The following STRADA variants were observed in gnomAD, a reference collection of about 807,000 sequenced individuals.
STRADA encodes STE20-related kinase adapter protein alpha.
STRADA carries 26 observed loss-of-function variants against 55.0 expected under a neutral mutation model. That is an observed-to-expected ratio of 0.47 (90% CI 0.35 to 0.66). The LOEUF (loss-of-function observed/expected upper bound fraction) is 0.66. STRADA is among the 30% of genes least tolerant of loss of function. STRADA has a pLI of 0.01. For synonymous variants in STRADA, 197 were observed against 210.9 expected (o/e 0.93, Z 0.57); for missense variants, 443 against 549.7 (o/e 0.81, Z 1.94).
chr17:63,741,862 C>A (rs3826341), upstream of STRADA: 105,851 of 152,382 alleles, frequency 0.69, 38,044 homozygotes, highest in African/African-American at 0.9. Context: ...CGCAGTGGGG[C>A]GACCGGGAGG....
At position 63,740,155 on chromosome 17, in the gene STRADA, C is replaced by T. The variant is rs369122911; in HGVS notation, c.-45+1586G>A. 2.5e-3 allele frequency among the ~76,000 whole-genome samples: 281 copies of T among 111,438 alleles called. 9 individuals carry two copies. Among genetic ancestry groups the T allele is most frequent in the African/African-American group, 0.01 (257 of 25,420 alleles). 73.1% of individuals were successfully genotyped at this position (111,438 alleles called of 152,430 possible). On this transcript the variant is annotated intron_variant, in intron 1 of 12. Coordinates refer to ENST00000336174, the MANE Select transcript of STRADA (RefSeq NM_001003787.4). ...ACATACATATATATATATACACACA[C>T]ACACACACACACACACACACACACA...
rs56271007 is a variant in STRADA at position 63,714,053 on chromosome 17, C to A, written c.179G>T (p.Ser60Ile). The change falls in exon 5 of 13, where the codon AGT becomes ATT. Residue 60 changes from serine (S) to isoleucine (I), a missense_variant. By Grantham distance (142) the Ser-to-Ile change is moderately radical. Coordinates refer to ENST00000336174, the MANE Select transcript of STRADA (RefSeq NM_001003787.4). Reference protein sequence around the residue: ...IASFSKQEVMSSFLPEGGCYE... With the variant: ...IASFSKQEVMISFLPEGGCYE... ...ACACCCTCCCTCTGGCAGAAAGCTA[C>A]TCATGACCTCCTGTTTAGAGAAGGA... is the stretch of plus-strand genomic sequence containing the variant. The A allele has an allele frequency of 4.3e-6, 7 of 1,614,030 alleles. No individual in the cohort carries two copies. The highest frequency in any genetic ancestry group is 1.6e-4 in the Middle Eastern group (1 of 6,062).
intron 1 of STRADA, among the ~76,000 whole-genome samples, chr17:63,732,180 T>C (rs1290026774): frequency 6.6e-6 from 1 of 152,128 alleles, no homozygotes; most frequent in Admixed American, 6.5e-5. Context: ...ATTTTTTGTA[T>C]TTTTAGTAGA....
In STRADA at chr17:63,709,674, T is replaced by C. The variant is rs114346843; in HGVS notation, c.581+817A>G. Among the ~76,000 whole-genome samples, 1,268 of 152,340 alleles carry C rather than the reference T, an allele frequency of 8.3e-3. 21 individuals carry two copies. Among genetic ancestry groups the C allele is most frequent in the African/African-American group, 0.029 (1,193 of 41,576 alleles). On this transcript the variant is annotated intron_variant, in intron 8 of 12. Transcript: ENST00000336174. Reference sequence around the variant, plus strand: ...ACAAAAACATTTTCTCACATTTCCTTCTATTTAAGTCTACAGTTTCACATT... The same window carrying C: ...ACAAAAACATTTTCTCACATTTCCTCCTATTTAAGTCTACAGTTTCACATT...
At chr17:63,714,444 T>C in intron 4 of STRADA, 3 of 329,736 alleles carry the variant, frequency 9.1e-6, no homozygotes, top group South Asian at 7.5e-5. Flanking sequence ...AATGAAAGCA[T>C]GTTTGGAAAA....
At chr17:63,714,163 G>A (rs777232384) in intron 4 of STRADA, 55 bp from the exon 5 acceptor site, 2 of 1,346,440 alleles carry the variant, frequency 1.5e-6, no homozygotes, top group South Asian at 1.2e-5. Context: ...TGGGATGGGA[G>A]TGGGGTGAAG....
rs760095097 is a variant in STRADA at position 63,703,772 on chromosome 17, G to C, written c.1144-21C>G. 59 of 1,612,694 alleles carry C rather than the reference G, an allele frequency of 3.7e-5. No individual in the cohort carries two copies. The East Asian group carries it at 1.3e-3, about 36-fold the overall frequency. ...TTGATCTGGGGGAGAAGAGAGAGGT[G>C]GGTGACAGATCCTGTTGCTCTGGGT... is the stretch of plus-strand genomic sequence containing the variant. On this transcript the variant is annotated intron_variant, in intron 12 of 12. Coordinates refer to ENST00000336174, the MANE Select transcript of STRADA (RefSeq NM_001003787.4).
chr17:63,729,502 C>T (rs560924947), intron 1 of STRADA, among the ~76,000 whole-genome samples: 2 of 152,164 alleles, frequency 1.3e-5, no homozygotes, highest in South Asian at 2.1e-4. Flanking sequence ...AACTATGTCT[C>T]AGCCAGGCCT....
intron 4 of STRADA, among the ~76,000 whole-genome samples, chr17:63,716,359 G>C (rs2036882867): frequency 6.6e-6 from 1 of 152,118 alleles, no homozygotes; most frequent in Admixed American, 6.6e-5. Context: ...GCCTCCCAAA[G>C]TGCTAACATT....
chr17:63,731,430 T>A (rs2038047260), intron 1 of STRADA, among the ~76,000 whole-genome samples: 1 of 151,432 alleles, frequency 6.6e-6, no homozygotes. Flanking sequence ...ACCCAGCTAA[T>A]TTTTTGTATT....
At chr17:63,711,506 A>G (rs1359656406) in intron 6 of STRADA, among the ~76,000 whole-genome samples, 1 of 152,080 alleles carries the variant, frequency 6.6e-6, no homozygotes, top group African/African-American at 2.4e-5. Context: ...GGACGTCAAC[A>G]TACCTAGCTA....
intron 4 of STRADA, chr17:63,715,457 T>C (rs891611815): frequency 2.6e-5 from 4 of 152,274 alleles, no homozygotes; most frequent in African/African-American, 9.7e-5. Flanking sequence ...TGTTGTTTTG[T>C]TGCTGTTGTT....
chr17:63,740,129 C>T (rs1413587652), intron 1 of STRADA, among the ~76,000 whole-genome samples: 229 of 50,022 alleles, frequency 4.6e-3, no homozygotes, highest in Middle Eastern at 0.026. Context: ...TATATATATA[C>T]ACATACATAT....
chr17:63,713,437 G>A lies in STRADA; in HGVS notation c.317C>T (p.Ala106Val), dbSNP rs2036638616. ...GAATGTTACCATCTCATTGGAACAA[G>A]CTTCTAGGTTAATCCTCCGTACAGT... ...YVTVRRINLE[A>V]CSNEMVTFLQ... The change falls in exon 6 of 13, where the codon GCT (alanine) becomes GTT (valine). Residue 106 changes from alanine to valine, a missense_variant. Transcript: ENST00000336174. The A allele has an allele frequency of 1.9e-6, 3 of 1,614,088 alleles. No individual in the cohort carries two copies. The highest frequency in any genetic ancestry group is 2.2e-5 in the East Asian group (1 of 44,878).
At chr17:63,721,690 G>C (rs1568202579) in intron 4 of STRADA, among the ~76,000 whole-genome samples, 1 of 151,498 alleles carries the variant, frequency 6.6e-6, no homozygotes, top group South Asian at 2.1e-4. Context: ...CTCCAGCCTG[G>C]GCAACAGAGT....
At chr17:63,712,091 T>C (rs985655861) in intron 6 of STRADA, among the ~76,000 whole-genome samples, 4 of 152,120 alleles carry the variant, frequency 2.6e-5, no homozygotes, top group African/African-American at 9.6e-5. Context: ...GAAAAAGTTG[T>C]AAATGAAGGA....
At chr17:63,733,355 C>CTT (rs10632580) in intron 1 of STRADA, among the ~76,000 whole-genome samples, 48,187 of 150,872 alleles carry the variant, frequency 0.32, 8,286 homozygotes, top group South Asian at 0.57. Flanking sequence ...AGAATACAAT[C>CTT]TTTTTTTTTT....
chr17:63,731,107 C>T (rs1229718508), intron 1 of STRADA, among the ~76,000 whole-genome samples: 1 of 151,826 alleles, frequency 6.6e-6, no homozygotes, highest in Non-Finnish European at 1.5e-5. Flanking sequence ...CCACACCCTG[C>T]TAAGTTTTGT....
chr17:63,714,381 A>T (rs865844742), intron 4 of STRADA: 18 of 374,430 alleles, frequency 4.8e-5, no homozygotes, highest in African/African-American at 2.9e-4. Flanking sequence ...TCCAACAATC[A>T]ATGCATTTGC....
Sources: allele counts gnomAD v4.1 joint callset (sites outside exome capture counted in the v4.1 genomes callset), GRCh38; gene constraint gnomAD v4.1.1; transcripts MANE v1.5; gene names NCBI Gene and HGNC (gene_info 2026-07-23, HGNC 2026-07-21).